ACER3: variants seen among roughly 807,000 people sequenced by gnomAD.
The protein encoded by ACER3 is alkaline ceramidase 3, also known as alkCDase 3.
In ACER3, 16 loss-of-function variants were observed where a neutral mutation model predicts 48.9. The observed-to-expected ratio is 0.33, with a 90% confidence interval of 0.22 to 0.50. The LOEUF (loss-of-function observed/expected upper bound fraction) is 0.50, where lower values mean the gene tolerates loss of function less well. Among genes scored for constraint, ACER3 ranks in the 20% least tolerant of loss-of-function variants. The pLI, the probability that ACER3 is intolerant of heterozygous loss-of-function variation, is 0.98. For missense variants in ACER3, 227 were observed against 326.0 expected (o/e 0.70, Z 2.34); for synonymous variants, 109 against 107.8 (o/e 1.01, Z -0.07).
At position 77,022,543 on chromosome 11, in the gene ACER3, T is replaced by G. The variant is rs1949487578; in HGVS notation, c.*2216T>G. 1 of 152,230 alleles carries G rather than the reference T, an allele frequency of 6.6e-6. No homozygotes were observed. Among genetic ancestry groups the G allele is most frequent in the Admixed American group, 6.5e-5 (1 of 15,286 alleles). The allele number at this position is 152,230 out of a possible 1,614,324, so 9.4% of individuals were successfully genotyped here. ...CTACTAAGTAACATACTCAAGACTT[T>G]GTATCTGTGCAGCATTTTATGGAAA... On this transcript the variant is annotated 3_prime_UTR_variant, in exon 11 of 11. Coordinates refer to ENST00000532485, the MANE Select transcript of ACER3 (RefSeq NM_018367.7).
At chr11:76,870,121 C>T (rs190639468) in intron 1 of ACER3, among the ~76,000 whole-genome samples, 15 of 151,562 alleles carry the variant, frequency 9.9e-5, no homozygotes, top group Non-Finnish European at 1.8e-4. Flanking sequence ...CTCAGCCTTC[C>T]AAGTAGGTGG....
rs190382067 is a variant in ACER3, at chr11:77,025,764, A to G, written c.*5437A>G. The G allele has an allele frequency of 6.6e-6, 1 of 152,336 alleles. No individual in the cohort carries two copies. The highest frequency in any genetic ancestry group is 1.9e-4 in the East Asian group (1 of 5,182). 9.4% of individuals were successfully genotyped at this position (152,336 alleles called of 1,614,324 possible). On this transcript the variant is annotated 3_prime_UTR_variant, in exon 11 of 11. Transcript: ENST00000532485. ...AGAATATGCAACAGAAACTGTATGT[A>G]GCCTGCAAAGCCTAAAATGTTTACT...
intron 2 of ACER3, among the ~76,000 whole-genome samples, chr11:76,949,080 G>A (rs77424765): frequency 1.3e-5 from 2 of 151,752 alleles, no homozygotes; most frequent in Non-Finnish European, 2.9e-5. Flanking sequence ...AAATAAATGT[G>A]TATCGGAGCA....
At chr11:76,895,702 A>G (rs1413597568) in intron 1 of ACER3, among the ~76,000 whole-genome samples, 1 of 152,210 alleles carries the variant, frequency 6.6e-6, no homozygotes, top group Non-Finnish European at 1.5e-5. Context: ...AAAAGAAAAC[A>G]AGTACCTATG....
At chr11:76,925,586 G>A (rs1946808529) in intron 1 of ACER3, among the ~76,000 whole-genome samples, 2 of 152,100 alleles carry the variant, frequency 1.3e-5, no homozygotes, top group African/African-American at 4.8e-5. Context: ...TGGACTGTGT[G>A]GTCCCTGGTC....
chr11:77,016,672 C>A lies in ACER3; in HGVS notation c.600-3C>A. On this transcript the variant is annotated splice_polypyrimidine_tract_variant and splice_region_variant and intron_variant, in intron 8 of 10. Coordinates refer to ENST00000532485, the MANE Select transcript of ACER3 (RefSeq NM_018367.7). ...ACGTGATTTTCTCCCTCTCTCCACA[C>A]AGGAACTTTCGAAAGAAGGTACCAC... 2 of 1,534,108 alleles carry A rather than the reference C, an allele frequency of 1.3e-6. No individual in the cohort carries two copies. Among genetic ancestry groups the A allele is most frequent in the South Asian group, 1.2e-5 (1 of 83,288 alleles).
intron 9 of ACER3, among the ~76,000 whole-genome samples, chr11:77,017,729 A>G (rs1299528277): frequency 2.0e-5 from 3 of 152,202 alleles, no homozygotes; most frequent in East Asian, 3.9e-4. Flanking sequence ...ACAAGCATGC[A>G]TAACTTTTTC....
intron 6 of ACER3, among the ~76,000 whole-genome samples, chr11:76,997,280 C>G (rs1948934978): frequency 6.6e-6 from 1 of 152,086 alleles, no homozygotes; most frequent in Admixed American, 6.5e-5. Flanking sequence ...CTGTGTAAGT[C>G]TGGATTAGGT....
At chr11:76,901,908 T>C (rs1268751263) in intron 1 of ACER3, among the ~76,000 whole-genome samples, 1 of 152,146 alleles carries the variant, frequency 6.6e-6, no homozygotes. Context: ...TAGTTTTTAC[T>C]TTTTCTTTCT....
At chr11:76,867,084 A>C (rs1469112535) in intron 1 of ACER3, among the ~76,000 whole-genome samples, 2 of 152,322 alleles carry the variant, frequency 1.3e-5, no homozygotes, top group Admixed American at 1.3e-4. Flanking sequence ...GTCATTCAAA[A>C]TGTTTTATTT....
chr11:76,928,710 A>C (rs898798786), intron 2 of ACER3, among the ~76,000 whole-genome samples: 2 of 152,182 alleles, frequency 1.3e-5, no homozygotes, highest in African/African-American at 4.8e-5. Flanking sequence ...CCATTTATTA[A>C]ATAAGGAATC....
intron 1 of ACER3, 144 bp from the exon 2 acceptor site, chr11:76,926,412 AT>A (rs1357135204): frequency 3.3e-5 from 15 of 449,846 alleles, no homozygotes; most frequent in South Asian, 5.3e-5. Flanking sequence ...TGAGTACAGA[AT>A]TTTTTTTCAG....
intron 9 of ACER3, among the ~76,000 whole-genome samples, chr11:77,017,324 TAAG>T (rs1170035669): frequency 4.6e-5 from 7 of 151,946 alleles, no homozygotes; most frequent in Admixed American, 2.0e-4. Context: ...GCCACAGAGA[TAAG>T]AAGAATCCCA....
intron 2 of ACER3, among the ~76,000 whole-genome samples, chr11:76,934,172 C>T (rs1203151309): frequency 1.2e-4 from 18 of 151,862 alleles, no homozygotes; most frequent in African/African-American, 4.1e-4. Flanking sequence ...GATGGGATGG[C>T]GGCCGGGCAG....
chr11:76,943,885 C>A (rs1252315841), intron 2 of ACER3, among the ~76,000 whole-genome samples: 1 of 147,760 alleles, frequency 6.8e-6, no homozygotes, highest in East Asian at 2.0e-4. Context: ...AGAATTGATA[C>A]CTTTATCATT....
Position 76,955,921 on chromosome 11 carries a change from T to C in ACER3, c.215-3058T>C, listed in dbSNP as rs186157530. The stretch of plus-strand genomic sequence containing the variant: ...ACATAAATGAACCTTGGAAACATTA[T>C]GCTTAAGGAAGAGAAGCTAGACATA... On this transcript the variant is annotated intron_variant, in intron 2 of 10. Transcript: ENST00000532485. 4.6e-5 allele frequency among the ~76,000 whole-genome samples: 7 copies of C among 152,342 alleles called. No homozygotes were observed. In the East Asian group the frequency reaches 1.3e-3, roughly 29 times the overall value.
intron 6 of ACER3, among the ~76,000 whole-genome samples, chr11:76,994,921 A>G (rs1412082571): frequency 6.6e-6 from 1 of 152,172 alleles, no homozygotes; most frequent in African/African-American, 2.4e-5. Flanking sequence ...AGTATGACCA[A>G]ATCAGATTCT....
intron 1 of ACER3, among the ~76,000 whole-genome samples, chr11:76,861,310 TG>T (rs1001936696): frequency 5.8e-5 from 3 of 51,844 alleles, no homozygotes; most frequent in African/African-American, 7.9e-5. Flanking sequence ...GCCTGAGGAT[TG>T]GGGGGGCAGA....
chr11:76,866,710 A>G (rs1945098338), intron 1 of ACER3, among the ~76,000 whole-genome samples: 1 of 152,340 alleles, frequency 6.6e-6, no homozygotes, highest in East Asian at 1.9e-4. Context: ...TTGTTACCCC[A>G]TTGTAAAGAG....
Sources: gnomAD v4.1 joint callset for allele counts (sites outside exome capture counted in the v4.1 genomes callset) on GRCh38, gnomAD v4.1.1 for gene constraint, MANE v1.5 for transcripts, NCBI Gene and HGNC (gene_info 2026-07-23, HGNC 2026-07-21) for gene names.